SLC9A9: variants seen among roughly 807,000 people sequenced by gnomAD.
SLC9A9 encodes solute carrier family 9 member A9.
Under a neutral mutation model 77.8 loss-of-function variants are expected in SLC9A9, and 62 were observed. The observed-to-expected ratio is 0.80, with a 90% confidence interval of 0.65 to 0.98. The LOEUF (loss-of-function observed/expected upper bound fraction) is 0.98. Among genes scored for constraint, SLC9A9 ranks in the 50% least tolerant of loss-of-function variants. The pLI, the probability that SLC9A9 is intolerant of heterozygous loss-of-function variation, is 0.00. For missense variants in SLC9A9, 775 were observed against 774.9 expected (o/e 1.00, Z 0.00); for synonymous variants, 320 against 283.5 (o/e 1.13, Z -1.29).
At chr3:143,510,164 T>C (rs1198089948) in intron 9 of SLC9A9, among the ~76,000 whole-genome samples, 1 of 152,184 alleles carries the variant, frequency 6.6e-6, no homozygotes, top group African/African-American at 2.4e-5. Flanking sequence ...ATTACTAAAT[T>C]AGTAGTGAGA....
rs561131093 is a variant in SLC9A9, at chr3:143,551,033, T to C, written c.1089+1329A>G. ...GCTAAGATGAGGTCATACCAGAGTA[T>C]GGTAGCCCCTAACTCAATATGACCC... On this transcript the variant is annotated intron_variant, in intron 9 of 15. Coordinates refer to ENST00000316549, the MANE Select transcript of SLC9A9 (RefSeq NM_173653.4). 2.0e-5 allele frequency among the ~76,000 whole-genome samples: 3 copies of C among 152,286 alleles called. No individual in the cohort carries two copies. In the East Asian group the frequency reaches 5.8e-4, roughly 29 times the overall value.
At chr3:143,731,378 T>G (rs1230606074) in intron 4 of SLC9A9, among the ~76,000 whole-genome samples, 1 of 152,200 alleles carries the variant, frequency 6.6e-6, no homozygotes, top group Non-Finnish European at 1.5e-5. Flanking sequence ...TGAACTCTAC[T>G]GCTCCTTCCT....
chr3:143,796,769 T>C, intron 3 of SLC9A9, 57 bp downstream of exon 3: 2 of 1,240,158 alleles, frequency 1.6e-6, no homozygotes, highest in Non-Finnish European at 2.3e-6. Flanking sequence ...TTCTCATTAG[T>C]GCTGGTAAAA....
intron 14 of SLC9A9, among the ~76,000 whole-genome samples, chr3:143,307,916 C>T (rs572594608): frequency 6.6e-6 from 1 of 152,286 alleles, no homozygotes; most frequent in South Asian, 2.1e-4. Context: ...CTGACTTTAC[C>T]ACTGAAAGGG....
intron 4 of SLC9A9, among the ~76,000 whole-genome samples, chr3:143,708,363 AC>A (rs1417973542): frequency 6.6e-6 from 1 of 152,130 alleles, no homozygotes; most frequent in Admixed American, 6.6e-5. Context: ...GGTCACATTC[AC>A]TAAAGGCACC....
At chr3:143,809,391 T>C (rs1465464568) in intron 2 of SLC9A9, among the ~76,000 whole-genome samples, 1 of 152,252 alleles carries the variant, frequency 6.6e-6, no homozygotes, top group African/African-American at 2.4e-5. Context: ...TATTTGTGTA[T>C]ACAAAACAGA....
chr3:143,510,809 T>C lies in SLC9A9; in HGVS notation c.1090-15361A>G, dbSNP rs183073293. On this transcript the variant is annotated intron_variant, in intron 9 of 15. Transcript: ENST00000316549. ...GAGTCACATTTTCCTGGGGTCAAAC[T>C]TGTTAGGCAAGGTGTGTGGGGAAAG... is the stretch of plus-strand genomic sequence containing the variant. 1.1e-3 allele frequency among the ~76,000 whole-genome samples: 167 copies of C among 152,278 alleles called. 1 individual carries two copies. The highest frequency in any genetic ancestry group is 3.4e-3 in the Middle Eastern group (1 of 294).
chr3:143,573,686 G>C (rs1420902865), intron 8 of SLC9A9, among the ~76,000 whole-genome samples: 2 of 152,090 alleles, frequency 1.3e-5, no homozygotes, highest in African/African-American at 4.8e-5. Context: ...CTACCCTAGA[G>C]AGCCTGCTAA....
At chr3:143,609,610 C>G (rs1328374903) in intron 6 of SLC9A9, among the ~76,000 whole-genome samples, 1 of 152,160 alleles carries the variant, frequency 6.6e-6, no homozygotes, top group Non-Finnish European at 1.5e-5. Flanking sequence ...CCAAGTCCCA[C>G]TTCCAGACCT....
At chr3:143,604,990 G>A (rs929906078) in intron 6 of SLC9A9, among the ~76,000 whole-genome samples, 22 of 152,236 alleles carry the variant, frequency 1.4e-4, no homozygotes, top group East Asian at 7.7e-4. Context: ...ACCATTAAGC[G>A]TCACAAAGGG....
intron 12 of SLC9A9, among the ~76,000 whole-genome samples, chr3:143,420,792 G>C (rs1312342178): frequency 6.6e-6 from 1 of 152,136 alleles, no homozygotes; most frequent in South Asian, 2.1e-4. Flanking sequence ...AATCAGGCAA[G>C]AGAAAGAAAT....
intron 9 of SLC9A9, among the ~76,000 whole-genome samples, chr3:143,545,934 G>A (rs76851062): frequency 2.6e-5 from 4 of 152,166 alleles, no homozygotes; most frequent in Non-Finnish European, 5.9e-5. Flanking sequence ...AGACACATAC[G>A]TTATGCTCCA....
chr3:143,386,985 C>G (rs555235347), intron 12 of SLC9A9, among the ~76,000 whole-genome samples: 1 of 152,122 alleles, frequency 6.6e-6, no homozygotes, highest in African/African-American at 2.4e-5. Context: ...GGATTATAGG[C>G]GTACGCCACC....
intron 14 of SLC9A9, among the ~76,000 whole-genome samples, chr3:143,343,060 C>T (rs2032154594): frequency 6.6e-6 from 1 of 152,170 alleles, no homozygotes; most frequent in Non-Finnish European, 1.5e-5. Flanking sequence ...TACAACTATC[C>T]TATTTTCTAG....
intron 6 of SLC9A9, among the ~76,000 whole-genome samples, chr3:143,605,319 T>C (rs1393108108): frequency 1.3e-5 from 2 of 152,174 alleles, no homozygotes; most frequent in Admixed American, 6.5e-5. Context: ...TTCTAATCTT[T>C]AGAACAGAAG....
intron 6 of SLC9A9, among the ~76,000 whole-genome samples, chr3:143,636,459 C>T (rs1188784295): frequency 6.6e-6 from 1 of 151,946 alleles, no homozygotes; most frequent in African/African-American, 2.4e-5. Context: ...TTTTGATTTT[C>T]CCAGTTTTAA....
At chr3:143,618,028 T>C (rs902048086) in intron 6 of SLC9A9, among the ~76,000 whole-genome samples, 1 of 152,174 alleles carries the variant, frequency 6.6e-6, no homozygotes, top group Admixed American at 6.5e-5. Flanking sequence ...TTGAGGGAGA[T>C]CATAAAGTGG....
chr3:143,716,184 C>T (rs552790688), intron 4 of SLC9A9, among the ~76,000 whole-genome samples: 1 of 152,292 alleles, frequency 6.6e-6, no homozygotes, highest in African/African-American at 2.4e-5. Context: ...AAGAGATCCT[C>T]CTGCCTCAGC....
At chr3:143,422,710 C>A (rs2034321842) in intron 12 of SLC9A9, among the ~76,000 whole-genome samples, 1 of 152,100 alleles carries the variant, frequency 6.6e-6, no homozygotes, top group Non-Finnish European at 1.5e-5. Flanking sequence ...ATGTAACAGA[C>A]CTGCATGTGT....
Sources: gnomAD v4.1 joint callset for allele counts (sites outside exome capture counted in the v4.1 genomes callset) on GRCh38, gnomAD v4.1.1 for gene constraint, MANE v1.5 for transcripts, NCBI Gene and HGNC (gene_info 2026-07-23, HGNC 2026-07-21) for gene names.